CATSPERT: variants seen among roughly 807,000 people sequenced by gnomAD.
CATSPERT encodes the protein cation channel sperm-associated targeting subunit tau.
At chr2:201,579,188 A>G in the CATSPERT span, among the ~76,000 whole-genome samples, 6 of 152,150 alleles carry the variant, frequency 3.9e-5, no homozygotes, top group South Asian at 2.1e-4. Flanking sequence ...TCTAATATTC[A>G]GTAAATATTT....
chr2:201,604,153 G>A, the CATSPERT span, among the ~76,000 whole-genome samples: 1 of 151,656 alleles, frequency 6.6e-6, no homozygotes, highest in African/African-American at 2.4e-5. Flanking sequence ...GTATGTGTGT[G>A]TGTGTGTGTG....
the CATSPERT span, among the ~76,000 whole-genome samples, chr2:201,573,813 T>G: frequency 6.6e-6 from 1 of 152,058 alleles, no homozygotes; most frequent in Non-Finnish European, 1.5e-5. Flanking sequence ...CCTGCCACCA[T>G]GCCTGGCTAA....
the CATSPERT span, among the ~76,000 whole-genome samples, chr2:201,490,206 T>G: frequency 6.6e-6 from 1 of 152,210 alleles, no homozygotes; most frequent in Non-Finnish European, 1.5e-5. Flanking sequence ...TTCTCAAGTT[T>G]CTCAGCACAT....
chr2:201,597,653 T>C, the CATSPERT span, among the ~76,000 whole-genome samples: 1 of 152,140 alleles, frequency 6.6e-6, no homozygotes, highest in African/African-American at 2.4e-5. Context: ...CCCTTCTCTT[T>C]AGAAGTGCCT....
the CATSPERT span, among the ~76,000 whole-genome samples, chr2:201,528,915 C>A: frequency 6.6e-6 from 1 of 151,920 alleles, no homozygotes; most frequent in African/African-American, 2.4e-5. Context: ...TAAAATAAAA[C>A]TTGGAAGGAA....
chr2:201,551,143 A>G, the CATSPERT span: 3 of 152,226 alleles, frequency 2.0e-5, no homozygotes, highest in Non-Finnish European at 4.4e-5. Context: ...ATTAGTTACA[A>G]TTTGAAAAAA....
At chr2:201,577,668 T>C in the CATSPERT span, among the ~76,000 whole-genome samples, 2 of 152,160 alleles carry the variant, frequency 1.3e-5, no homozygotes, top group African/African-American at 4.8e-5. Flanking sequence ...CTCACTTATC[T>C]GTGGAACCTA....
the CATSPERT span, chr2:201,494,788 T>G: frequency 6.8e-7 from 1 of 1,466,036 alleles, no homozygotes. Flanking sequence ...GGTAAGACAT[T>G]TGGTAGCAAT....
the CATSPERT span, chr2:201,601,831 C>T: frequency 1.2e-6 from 2 of 1,609,762 alleles, no homozygotes; most frequent in Non-Finnish European, 1.7e-6. Flanking sequence ...GTACATTTCA[C>T]AGCTTTGTTT....
the CATSPERT span, chr2:201,491,896 T>C: frequency 6.5e-7 from 1 of 1,536,940 alleles, no homozygotes; most frequent in Non-Finnish European, 8.7e-7. Flanking sequence ...CGTGAATACA[T>C]GTTCTTTCCT....
chr2:201,504,793 A>G, the CATSPERT span, among the ~76,000 whole-genome samples: 15 of 152,244 alleles, frequency 9.9e-5, no homozygotes, highest in African/African-American at 3.1e-4. Context: ...TTTCCCTGGG[A>G]TGCTGGAGGG....
chr2:201,602,492 A>C, the CATSPERT span, among the ~76,000 whole-genome samples: 1 of 152,172 alleles, frequency 6.6e-6, no homozygotes, highest in African/African-American at 2.4e-5. Flanking sequence ...GATAAATCTA[A>C]AAATAAGCAC....
the CATSPERT span, among the ~76,000 whole-genome samples, chr2:201,591,691 G>A: frequency 6.6e-6 from 1 of 152,062 alleles, no homozygotes; most frequent in Non-Finnish European, 1.5e-5. Context: ...TCCTTGAAGA[G>A]GTCCTTCACA....
chr2:201,539,937 A>G, the CATSPERT span, among the ~76,000 whole-genome samples: 3 of 152,172 alleles, frequency 2.0e-5, no homozygotes, highest in East Asian at 5.8e-4. Flanking sequence ...AAAGGAAAAC[A>G]TTTTTGACAA....
the CATSPERT span, among the ~76,000 whole-genome samples, chr2:201,536,742 G>T: frequency 1.3e-5 from 2 of 151,728 alleles, no homozygotes; most frequent in Non-Finnish European, 3.0e-5. Context: ...ACAGTACAAA[G>T]AACAATATTG....
At chr2:201,601,542 C>T in the CATSPERT span, among the ~76,000 whole-genome samples, 4 of 151,894 alleles carry the variant, frequency 2.6e-5, no homozygotes, top group Admixed American at 2.0e-4. Context: ...TTATGCATTT[C>T]GCAGTAAAAT....
At chr2:201,547,754 C>T in the CATSPERT span, 18 of 480,490 alleles carry the variant, frequency 3.7e-5, no homozygotes, top group Admixed American at 2.4e-4. Flanking sequence ...TCTAGGGATA[C>T]AGTCAAAGGA....
the CATSPERT span, among the ~76,000 whole-genome samples, chr2:201,566,513 T>C: frequency 6.6e-6 from 1 of 152,116 alleles, no homozygotes; most frequent in Admixed American, 6.5e-5. Flanking sequence ...GCTTCACCCA[T>C]GTCCCTGCAA....
At chr2:201,552,866 A>G in the CATSPERT span, 1 of 152,202 alleles carries the variant, frequency 6.6e-6, no homozygotes, top group African/African-American at 2.4e-5. Flanking sequence ...TATATGACCC[A>G]ATAGTCCTAC....
Sources: allele counts gnomAD v4.1 joint callset (sites outside exome capture counted in the v4.1 genomes callset), GRCh38; gene constraint gnomAD v4.1.1; transcripts MANE v1.5; gene names NCBI Gene and HGNC (gene_info 2026-07-23, HGNC 2026-07-21).